BAZ2B: variants seen among roughly 807,000 people sequenced by gnomAD.
BAZ2B encodes the protein bromodomain adjacent to zinc finger domain protein 2B.
A neutral mutation model predicts 246.0 loss-of-function variants in BAZ2B; 91 were observed. The observed-to-expected ratio is 0.37, with a 90% CI of 0.31 to 0.44. The LOEUF (loss-of-function observed/expected upper bound fraction) is 0.44. Ranked by LOEUF, BAZ2B falls within the 20% of genes least tolerant of loss-of-function variation. The pLI is 1.00. For missense variants in BAZ2B, 2,332 were observed against 2,533.7 expected (o/e 0.92, Z 1.71); for synonymous variants, 855 against 860.0 (o/e 0.99, Z 0.10).
chr2:159,673,012 C>G, the BAZ2B span, among the ~76,000 whole-genome samples: 1 of 152,050 alleles, frequency 6.6e-6, no homozygotes. Context: ...ATTGACAAAT[C>G]TGTTACATAA....
intron 1 of BAZ2B, among the ~76,000 whole-genome samples, chr2:159,611,603 T>A (rs1694734548): frequency 6.6e-6 from 1 of 151,982 alleles, no homozygotes; most frequent in South Asian, 2.1e-4. Flanking sequence ...GAGGAAGTTT[T>A]GAGCAAATTA....
intron 27 of BAZ2B, among the ~76,000 whole-genome samples, chr2:159,363,404 G>A (rs890616012): frequency 1.3e-5 from 2 of 152,194 alleles, no homozygotes; most frequent in African/African-American, 4.8e-5. Context: ...TTGGTGCAGA[G>A]AATGTTGGAT....
chr2:159,697,478 C>T, the BAZ2B span, among the ~76,000 whole-genome samples: 1 of 152,118 alleles, frequency 6.6e-6, no homozygotes, highest in African/African-American at 2.4e-5. Context: ...ATGTAAAAGT[C>T]TTTTATGCAA....
chr2:159,658,023 A>G, the BAZ2B span, among the ~76,000 whole-genome samples: 1 of 152,218 alleles, frequency 6.6e-6, no homozygotes, highest in Non-Finnish European at 1.5e-5. Context: ...CTTAGTGGGA[A>G]AGCATCTATT....
chr2:159,384,936 A>C (rs886858488), intron 23 of BAZ2B, among the ~76,000 whole-genome samples: 3 of 152,216 alleles, frequency 2.0e-5, no homozygotes, highest in African/African-American at 7.2e-5. Context: ...CACGTATTAC[A>C]GACACACAGT....
the BAZ2B span, among the ~76,000 whole-genome samples, chr2:159,704,446 T>TCCTC: frequency 8.1e-5 from 11 of 136,052 alleles, no homozygotes; most frequent in Middle Eastern, 3.4e-3. Flanking sequence ...TTTCCTTCCT[T>TCCTC]CCTCCCTCCC....
At chr2:159,608,424 C>G (rs1694008873) in intron 1 of BAZ2B, among the ~76,000 whole-genome samples, 1 of 152,140 alleles carries the variant, frequency 6.6e-6, no homozygotes, top group Admixed American at 6.5e-5. Context: ...ACTCACCCTT[C>G]TTCTTTTCTA....
intron 1 of BAZ2B, among the ~76,000 whole-genome samples, chr2:159,567,595 C>T (rs949983047): frequency 1.3e-5 from 2 of 152,142 alleles, no homozygotes; most frequent in Non-Finnish European, 2.9e-5. Context: ...GAATGTTGCA[C>T]ATTATTTTAA....
At chr2:159,429,102 C>T (rs1026173322) in intron 11 of BAZ2B, 98 bp downstream of exon 11, 13 of 807,762 alleles carry the variant, frequency 1.6e-5, no homozygotes, top group Non-Finnish European at 2.2e-5. Flanking sequence ...CAGCTATGTA[C>T]TTCTTCTATT....
chr2:159,467,420 T>C (rs538174220), intron 3 of BAZ2B, among the ~76,000 whole-genome samples: 4 of 152,056 alleles, frequency 2.6e-5, no homozygotes, highest in African/African-American at 7.2e-5. Context: ...GACGGGCCTT[T>C]CCCCCCCAGG....
chr2:159,355,553 T>A (rs2059016339), intron 27 of BAZ2B, among the ~76,000 whole-genome samples: 3 of 152,292 alleles, frequency 2.0e-5, no homozygotes, highest in Non-Finnish European at 4.4e-5. Flanking sequence ...TTTAACCATA[T>A]CCTAATACAA....
chr2:159,631,794 A>G, the BAZ2B span, among the ~76,000 whole-genome samples: 1 of 152,232 alleles, frequency 6.6e-6, no homozygotes. Context: ...AAAGGTAACA[A>G]ATCAAGAATT....
At chr2:159,453,470 A>T in intron 4 of BAZ2B, 143 bp downstream of exon 4, 1 of 948,322 alleles carries the variant, frequency 1.1e-6, no homozygotes, top group Non-Finnish European at 1.4e-6. Context: ...TGCACATGAT[A>T]AATAGGATTA....
the BAZ2B span, among the ~76,000 whole-genome samples, chr2:159,675,845 T>C: frequency 2.0e-5 from 3 of 151,902 alleles, no homozygotes; most frequent in Admixed American, 2.0e-4. Flanking sequence ...GCTTAAGCTA[T>C]CCTCTCACCT....
chr2:159,479,579 C>T (rs1479049312), intron 2 of BAZ2B, among the ~76,000 whole-genome samples: 2 of 152,068 alleles, frequency 1.3e-5, no homozygotes, highest in Non-Finnish European at 2.9e-5. Context: ...AAACTCTTAC[C>T]ATTTAAATAA....
chr2:159,708,498 TCAGA>T, the BAZ2B span, among the ~76,000 whole-genome samples: 1 of 152,092 alleles, frequency 6.6e-6, no homozygotes, highest in African/African-American at 2.4e-5. Context: ...GAGAGGTTTC[TCAGA>T]CAGGGTTTCA....
intron 2 of BAZ2B, among the ~76,000 whole-genome samples, chr2:159,503,575 TTTTA>T (rs1192353329): frequency 6.6e-6 from 1 of 152,110 alleles, no homozygotes; most frequent in East Asian, 1.9e-4. Flanking sequence ...CCTTCTTCTT[TTTTA>T]TTTATTTATT....
intron 5 of BAZ2B, among the ~76,000 whole-genome samples, chr2:159,447,200 G>C (rs1332716156): frequency 6.6e-6 from 1 of 152,158 alleles, no homozygotes. Flanking sequence ...AGAGGGGAAT[G>C]GGAGGCAACT....
At chr2:159,654,500 G>T in the BAZ2B span, among the ~76,000 whole-genome samples, 8 of 152,150 alleles carry the variant, frequency 5.3e-5, no homozygotes, top group Non-Finnish European at 1.0e-4. Flanking sequence ...AACAAGTATT[G>T]CAGAGAGAGG....
Sources: allele counts gnomAD v4.1 joint callset (sites outside exome capture counted in the v4.1 genomes callset), GRCh38; gene constraint gnomAD v4.1.1; transcripts MANE v1.5; gene names NCBI Gene and HGNC (gene_info 2026-07-23, HGNC 2026-07-21).